Variants in PES1 observed in about 807,000 individuals in gnomAD.
The protein encoded by PES1 is pescadillo ribosomal biogenesis factor 1.
PES1 carries 31 observed loss-of-function variants against 77.1 expected under a neutral mutation model. The ratio of observed to expected loss-of-function variants is 0.40; its 90% CI spans 0.30 to 0.54. PES1 has a LOEUF of 0.54. Among genes scored for constraint, PES1 ranks in the 20% least tolerant of loss-of-function variants. The pLI is 0.45. For synonymous variants in PES1, 282 were observed against 303.0 expected (o/e 0.93, Z 0.72); for missense variants, 658 against 771.7 (o/e 0.85, Z 1.75).
chr22:30,593,344 G>A (rs530466160), upstream of PES1, among the ~76,000 whole-genome samples: 96 of 152,210 alleles, frequency 6.3e-4, no homozygotes, highest in African/African-American at 2.3e-3. Context: ...AAAATTAGCC[G>A]GGTGTGGTGG....
rs548247404 is a variant in PES1 at position 30,602,530 on chromosome 22, CTTTTA to C, written c.-661+2926_-661+2930del. Among the ~76,000 whole-genome samples the C allele has an allele frequency of 6.5e-3, 955 of 147,344 alleles. 11 individuals are homozygous for C. Among genetic ancestry groups the C allele is most frequent in the African/African-American group, 0.022 (889 of 39,866 alleles). On this transcript the variant is annotated intron_variant, in intron 2 of 16. Transcript: ENST00000402281. ...AACCACCATGTCCGGCCTCTTTTTT[CTTTTA>C]TTTTCTTTTCCTTTTTTTCTTTTCT...
At chr22:30,596,630 A>G (rs4820874), upstream of PES1, among the ~76,000 whole-genome samples, 25,576 of 152,280 alleles carry the variant, frequency 0.17, 2,265 homozygotes, top group African/African-American at 0.19. Context: ...GTTTTGTCAA[A>G]AATAATTTGG....
chr22:30,585,339 G>C, intron 4 of PES1: 1 of 471,520 alleles, frequency 2.1e-6, no homozygotes, highest in South Asian at 1.5e-5. Context: ...AAGCCAACAA[G>C]GATGAGCCAC....
chr22:30,601,112 T>C (rs1385120742), intron 2 of PES1, among the ~76,000 whole-genome samples: 1 of 152,134 alleles, frequency 6.6e-6, no homozygotes, highest in Non-Finnish European at 1.5e-5. Flanking sequence ...TTATATATCA[T>C]CACTTCTGCA....
chr22:30,580,186 G>C lies in PES1; in HGVS notation c.1044-8C>G. Reference sequence around the variant, plus strand: ...ACTTCCCCACCAAAACTCCTACAGGGACAGGGAGAGCCCACACGGGTACAC... The same window carrying C: ...ACTTCCCCACCAAAACTCCTACAGGCACAGGGAGAGCCCACACGGGTACAC... On this transcript the variant is annotated splice_polypyrimidine_tract_variant and splice_region_variant and intron_variant, in intron 10 of 14. Coordinates refer to ENST00000354694, the MANE Select transcript of PES1 (RefSeq NM_014303.4). The C allele has an allele frequency of 1.2e-6, 2 of 1,608,670 alleles. No individual in the cohort carries two copies. Among genetic ancestry groups the C allele is most frequent in the Non-Finnish European group, 1.7e-6 (2 of 1,177,252 alleles).
At chr22:30,580,416 C>G (rs2086964963) in intron 10 of PES1, among the ~76,000 whole-genome samples, 155 bp downstream of exon 10, 1 of 152,214 alleles carries the variant, frequency 6.6e-6, no homozygotes, top group Non-Finnish European at 1.5e-5. Flanking sequence ...TGAGCACTTC[C>G]TATGTGCTCA....
intron 2 of PES1, among the ~76,000 whole-genome samples, chr22:30,598,885 ATTTTT>A (rs71200084): frequency 3.4e-3 from 176 of 51,196 alleles, no homozygotes; most frequent in African/African-American, 0.012. Flanking sequence ...CTTAAGTAAA[ATTTTT>A]TTTTTTTTTT....
intron 8 of PES1, 96 bp downstream of exon 8, chr22:30,581,238 C>T: frequency 7.0e-7 from 1 of 1,429,648 alleles, no homozygotes; most frequent in Non-Finnish European, 9.7e-7. Flanking sequence ...CCCACCTAGC[C>T]ATAACCACCC....
chr22:30,605,842 T>TC (rs1269312183), intron 1 of PES1, among the ~76,000 whole-genome samples: 5 of 152,204 alleles, frequency 3.3e-5, no homozygotes, highest in Non-Finnish European at 7.3e-5. Context: ...TAAATCAGGC[T>TC]CAAAAAGATT....
rs778490982 is a variant in PES1, at chr22:30,580,176, C to T, written c.1046G>A (p.Ser349Asn). The T allele has an allele frequency of 6.8e-6, 11 of 1,611,616 alleles. No homozygotes were observed. In the Admixed American group the frequency reaches 1.8e-4, roughly 27 times the overall value. ...PREALAFIIRSFGGEVSWDKS... is the reference protein window; with the variant it reads ...PREALAFIIRNFGGEVSWDKS... Reference sequence around the variant, plus strand: ...GTCCCAGGACACTTCCCCACCAAAACTCCTACAGGGACAGGGAGAGCCCAC... The same window carrying T: ...GTCCCAGGACACTTCCCCACCAAAATTCCTACAGGGACAGGGAGAGCCCAC... Residue 349 changes from serine to asparagine, a missense_variant and splice_region_variant, in exon 11 of 15, where the codon AGT becomes AAT. Coordinates refer to ENST00000354694, the MANE Select transcript of PES1 (RefSeq NM_014303.4).
chr22:30,581,225 C>T, intron 8 of PES1, 109 bp downstream of exon 8: 1 of 1,370,146 alleles, frequency 7.3e-7, no homozygotes, highest in Non-Finnish European at 1.0e-6. Flanking sequence ...CAGGCTGAGA[C>T]CACCCACCTA....
At chr22:30,589,102 G>T in intron 2 of PES1, 89 bp downstream of exon 2, 1 of 910,536 alleles carries the variant, frequency 1.1e-6, no homozygotes, top group Non-Finnish European at 1.7e-6. Flanking sequence ...CCCCAGAATG[G>T]GTATGGCAAC....
At chr22:30,600,789 T>G (rs902942155) in intron 2 of PES1, among the ~76,000 whole-genome samples, 5 of 152,164 alleles carry the variant, frequency 3.3e-5, no homozygotes, top group Non-Finnish European at 7.3e-5. Context: ...CACTCCAGCC[T>G]GGGTGACAGA....
At chr22:30,602,589 G>T (rs901383547) in intron 2 of PES1, among the ~76,000 whole-genome samples, 19 of 150,126 alleles carry the variant, frequency 1.3e-4, no homozygotes, top group Admixed American at 4.6e-4. Flanking sequence ...TCACTATGTT[G>T]CCCAGGCTTG....
At chr22:30,598,948 G>A (rs2087311979) in intron 2 of PES1, among the ~76,000 whole-genome samples, 1 of 104,992 alleles carries the variant, frequency 9.5e-6, no homozygotes, top group South Asian at 3.3e-4. Context: ...CCAGGCTAGA[G>A]TGCAGTGGTG....
At chr22:30,592,783 T>C (rs568604100), upstream of PES1, among the ~76,000 whole-genome samples, 1 of 152,172 alleles carries the variant, frequency 6.6e-6, no homozygotes, top group African/African-American at 2.4e-5. Context: ...GGCGACAGAG[T>C]GAGACTCCAT....
At chr22:30,579,544 A>G in intron 12 of PES1, 1 of 698,786 alleles carries the variant, frequency 1.4e-6, no homozygotes, top group Non-Finnish European at 2.4e-6. Flanking sequence ...ACAATGCAGC[A>G]TGTTCTTCTG....
At chr22:30,598,884 A>ATTTTTTTTT (rs1569031688) in intron 2 of PES1, among the ~76,000 whole-genome samples, 95 of 46,300 alleles carry the variant, frequency 2.1e-3, no homozygotes, top group African/African-American at 6.6e-3. Flanking sequence ...ACTTAAGTAA[A>ATTTTTTTTT]ATTTTTTTTT....
intron 4 of PES1, among the ~76,000 whole-genome samples, chr22:30,585,682 T>C (rs780991284): frequency 2.3e-4 from 32 of 139,774 alleles, no homozygotes; most frequent in Non-Finnish European, 4.3e-4. Context: ...GAAGCTTCCT[T>C]TTGAAGAATG....
Sources: allele counts gnomAD v4.1 joint callset (sites outside exome capture counted in the v4.1 genomes callset), GRCh38; gene constraint gnomAD v4.1.1; transcripts MANE v1.5; gene names NCBI Gene and HGNC (gene_info 2026-07-23, HGNC 2026-07-21).